Variants in TENM4 observed in about 807,000 individuals in gnomAD.
TENM4 encodes the protein teneurin-4.
TENM4 carries 82 observed loss-of-function variants against 243.3 expected under a neutral mutation model. The ratio of observed to expected loss-of-function variants is 0.34; its 90% CI spans 0.28 to 0.40. TENM4 has a LOEUF of 0.40. Among genes scored for constraint, TENM4 ranks in the 10% least tolerant of loss-of-function variants. The pLI is 1.00. For synonymous variants in TENM4, 1,412 were observed against 1,456.3 expected (o/e 0.97, Z 0.69); for missense variants, 3,138 against 3,673.3 (o/e 0.85, Z 3.77).
intron 4 of TENM4, among the ~76,000 whole-genome samples, chr11:79,095,530 G>A (rs1861057792): frequency 6.6e-6 from 1 of 152,174 alleles, no homozygotes; most frequent in African/African-American, 2.4e-5. Context: ...TTATAAAACG[G>A]GATGGACTCC....
chr11:78,770,506 C>A (rs1387955356), intron 18 of TENM4, among the ~76,000 whole-genome samples: 1 of 152,228 alleles, frequency 6.6e-6, no homozygotes, highest in Non-Finnish European at 1.5e-5. Context: ...AAGGCCATTT[C>A]TATTACAAAA....
chr11:79,320,865 C>T (rs1324663848), intron 1 of TENM4, among the ~76,000 whole-genome samples: 1 of 152,158 alleles, frequency 6.6e-6, no homozygotes, highest in Non-Finnish European at 1.5e-5. Flanking sequence ...AATTGAGGCT[C>T]AGAGAGGCTA....
intron 2 of TENM4, among the ~76,000 whole-genome samples, chr11:79,262,148 G>A (rs1041076904): frequency 1.3e-5 from 2 of 152,116 alleles, no homozygotes; most frequent in South Asian, 4.2e-4. Flanking sequence ...AGACACGATG[G>A]GTCCCAGCTC....
chr11:79,235,925 T>C (rs1864460720), intron 2 of TENM4, among the ~76,000 whole-genome samples: 1 of 152,154 alleles, frequency 6.6e-6, no homozygotes, highest in African/African-American at 2.4e-5. Context: ...TTTCGTGCCC[T>C]GATGCCTGAG....
chr11:79,364,355 C>T (rs1857640587), intron 1 of TENM4, among the ~76,000 whole-genome samples: 1 of 152,146 alleles, frequency 6.6e-6, no homozygotes, highest in South Asian at 2.1e-4. Context: ...GAAAGGGTTC[C>T]TCTGTAGTCT....
At chr11:78,853,197 T>C (rs1056142296) in intron 12 of TENM4, among the ~76,000 whole-genome samples, 3 of 152,352 alleles carry the variant, frequency 2.0e-5, no homozygotes, top group Admixed American at 2.0e-4. Context: ...TTCTGTTTAA[T>C]GGAGTTATAT....
At chr11:78,980,218 C>T (rs757237533) in intron 6 of TENM4, among the ~76,000 whole-genome samples, 4 of 152,162 alleles carry the variant, frequency 2.6e-5, no homozygotes, top group South Asian at 4.1e-4. Context: ...TACTATTGAT[C>T]GAGCACTTTC....
chr11:79,367,510 T>C (rs1433430786), intron 1 of TENM4, among the ~76,000 whole-genome samples: 3 of 152,232 alleles, frequency 2.0e-5, no homozygotes, highest in East Asian at 1.9e-4. Flanking sequence ...ACACCTTCTC[T>C]GATGCACATA....
At position 78,932,536 on chromosome 11, in the gene TENM4, G is replaced by A. The variant is rs532710943; in HGVS notation, c.494-29013C>T. Among the ~76,000 whole-genome samples the A allele has an allele frequency of 3.3e-5, 5 of 152,264 alleles. No homozygotes were observed. In the South Asian group the frequency reaches 1.0e-3, roughly 32 times the overall value. On this transcript the variant is annotated intron_variant, in intron 6 of 33. Transcript: ENST00000278550. The stretch of plus-strand genomic sequence containing the variant: ...ATGGGGGGAGAGCTGGTATTGAAAA[G>A]GAAGCACTAACACTGATATGTGACC...
intron 24 of TENM4, 70 bp from the exon 25 acceptor site, chr11:78,720,460 T>C (rs1590965940): frequency 2.6e-6 from 4 of 1,545,134 alleles, no homozygotes; most frequent in East Asian, 4.5e-5. Flanking sequence ...AGAAGCATTA[T>C]TAGCAGCCTG....
intron 6 of TENM4, among the ~76,000 whole-genome samples, chr11:78,978,530 G>A (rs1368262034): frequency 6.6e-6 from 1 of 152,112 alleles, no homozygotes; most frequent in East Asian, 1.9e-4. Context: ...GGAGAAGCAG[G>A]AATGAACCAA....
intron 1 of TENM4, among the ~76,000 whole-genome samples, chr11:79,381,100 T>G (rs1405605378): frequency 6.6e-6 from 1 of 152,038 alleles, no homozygotes; most frequent in Non-Finnish European, 1.5e-5. Flanking sequence ...GACTCTTGAG[T>G]GCATGATCCG....
intron 2 of TENM4, among the ~76,000 whole-genome samples, chr11:79,278,804 A>T (rs906182391): frequency 3.9e-5 from 6 of 152,178 alleles, no homozygotes; most frequent in African/African-American, 7.2e-5. Context: ...CATGTGCACG[A>T]GGGACAGACA....
chr11:79,295,624 G>A (rs910189763), intron 2 of TENM4, among the ~76,000 whole-genome samples: 2 of 152,158 alleles, frequency 1.3e-5, no homozygotes, highest in African/African-American at 4.8e-5. Flanking sequence ...AAAGAGATCA[G>A]ACAAGCACTG....
At chr11:78,851,686 A>T (rs12286657) in intron 12 of TENM4, among the ~76,000 whole-genome samples, 1,744 of 152,206 alleles carry the variant, frequency 0.011, 37 homozygotes, top group African/African-American at 0.04. Flanking sequence ...CATGTCCCTA[A>T]ACTGTCGTCA....
intron 10 of TENM4, 47 bp from the exon 11 acceptor site, chr11:78,856,225 C>T: frequency 6.6e-7 from 1 of 1,513,538 alleles, no homozygotes. Context: ...CGGTTAGCCA[C>T]ATGGGAAACG....
intron 6 of TENM4, among the ~76,000 whole-genome samples, chr11:79,058,442 G>A: frequency 6.6e-6 from 1 of 152,080 alleles, no homozygotes; most frequent in East Asian, 1.9e-4. Context: ...CTACTGGGGA[G>A]GCTGAGGCAG....
chr11:79,032,131 G>T (rs1859257759), intron 6 of TENM4, among the ~76,000 whole-genome samples: 1 of 152,184 alleles, frequency 6.6e-6, no homozygotes, highest in Non-Finnish European at 1.5e-5. Context: ...ACACATATAA[G>T]CAGATAACTA....
At chr11:78,818,695 GA>G (rs1188968719) in intron 12 of TENM4, among the ~76,000 whole-genome samples, 2 of 152,102 alleles carry the variant, frequency 1.3e-5, no homozygotes, top group Admixed American at 6.6e-5. Context: ...TTTGGCTTGG[GA>G]AAAGTGTGAA....
Sources: allele counts gnomAD v4.1 joint callset (sites outside exome capture counted in the v4.1 genomes callset), GRCh38; gene constraint gnomAD v4.1.1; transcripts MANE v1.5; gene names NCBI Gene and HGNC (gene_info 2026-07-23, HGNC 2026-07-21).